Variants in ZNF184 observed in about 807,000 individuals in gnomAD.
ZNF184 encodes the protein zinc finger protein 184.
Under a neutral mutation model 54.4 loss-of-function variants are expected in ZNF184, and 16 were observed. The observed-to-expected ratio is 0.29, with a 90% CI of 0.20 to 0.45. ZNF184 has a LOEUF of 0.45. Among genes scored for constraint, ZNF184 ranks in the 20% least tolerant of loss-of-function variants. The pLI, the probability that ZNF184 is intolerant of heterozygous loss-of-function variation, is 1.00. For missense variants in ZNF184, 681 were observed against 888.2 expected, an observed-to-expected ratio of 0.77 and a Z score of 2.97; for synonymous variants, 254 against 295.3, an observed-to-expected ratio of 0.86 and a Z score of 1.43.
the ZNF184 span, chr6:27,404,834 T>C: frequency 6.6e-6 from 1 of 152,030 alleles, no homozygotes; most frequent in African/African-American, 2.4e-5. Context: ...CTGGCCAACA[T>C]GATGAAACCC....
the ZNF184 span, among the ~76,000 whole-genome samples, chr6:27,430,475 C>T: frequency 1.3e-5 from 2 of 152,048 alleles, no homozygotes; most frequent in Non-Finnish European, 2.9e-5. Flanking sequence ...AGCGTGGACT[C>T]TAAAAGCAAG....
At chr6:27,445,467 A>T in the ZNF184 span, among the ~76,000 whole-genome samples, 8 of 152,174 alleles carry the variant, frequency 5.3e-5, no homozygotes, top group Non-Finnish European at 1.2e-4. Flanking sequence ...GTTATTAGGG[A>T]TCTGCCCTCA....
Position 27,451,913 on chromosome 6 carries a change from T to C in ZNF184, c.1646A>G (p.Glu549Gly). ...FIRSSSLAKH[E>G]RIHTGEKPYQ... ...GGGTTTCTCTCCAGTATGAATTCTT[T>C]CATGCTTAGCAAGAGATGAACTCCG... is the stretch of plus-strand genomic sequence containing the variant. Residue 549 changes from glutamate (E) to glycine (G), a missense_variant, in exon 6 of 6, where the codon GAA (glutamate) becomes GGA (glycine). Glu to Gly is a moderately conservative substitution (Grantham distance 98). Coordinates refer to ENST00000683788, the MANE Select transcript of ZNF184 (RefSeq NM_001318891.2). 6.2e-7 allele frequency: 1 copy of C among 1,612,632 alleles called. No individual in the cohort carries two copies. Among genetic ancestry groups the C allele is most frequent in the Non-Finnish European group, 8.5e-7 (1 of 1,179,992 alleles).
At chr6:27,462,780 G>A (rs1319619691) in intron 3 of ZNF184, among the ~76,000 whole-genome samples, 6 of 150,854 alleles carry the variant, frequency 4.0e-5, no homozygotes, top group East Asian at 2.0e-4. Flanking sequence ...CAGGAGAACC[G>A]CTTGAACCCA....
intron 2 of ZNF184, among the ~76,000 whole-genome samples, chr6:27,469,606 A>C (rs1028458617): frequency 5.3e-5 from 8 of 151,858 alleles, no homozygotes; most frequent in Non-Finnish European, 4.4e-5. Flanking sequence ...ATGCCACTGC[A>C]CTCCAGCCTG....
the ZNF184 span, among the ~76,000 whole-genome samples, chr6:27,434,506 G>A: frequency 6.6e-6 from 1 of 151,954 alleles, no homozygotes; most frequent in Non-Finnish European, 1.5e-5. Context: ...GCCCATTTTC[G>A]AATTGGGTTT....
At chr6:27,413,870 C>T in the ZNF184 span, among the ~76,000 whole-genome samples, 1 of 152,196 alleles carries the variant, frequency 6.6e-6, no homozygotes, top group Non-Finnish European at 1.5e-5. Flanking sequence ...TTCCATTTGA[C>T]TCTCACCTTT....
chr6:27,459,136 G>T (rs1762937051), intron 3 of ZNF184, among the ~76,000 whole-genome samples: 1 of 152,174 alleles, frequency 6.6e-6, no homozygotes, highest in Admixed American at 6.5e-5. Context: ...GTTACAGGTA[G>T]ATGGAAGGAA....
intron 3 of ZNF184, among the ~76,000 whole-genome samples, chr6:27,460,851 G>A (rs1021359154): frequency 5.3e-5 from 8 of 152,294 alleles, no homozygotes; most frequent in Non-Finnish European, 1.2e-4. Flanking sequence ...AAGAATATAA[G>A]CAGCAGGTCT....
At chr6:27,430,832 C>T in the ZNF184 span, among the ~76,000 whole-genome samples, 1 of 152,214 alleles carries the variant, frequency 6.6e-6, no homozygotes, top group East Asian at 1.9e-4. Flanking sequence ...TCATGTTTTA[C>T]TACAATTGCT....
intron 4 of ZNF184, among the ~76,000 whole-genome samples, 169 bp downstream of exon 4, chr6:27,457,114 G>A (rs923564850): frequency 3.9e-5 from 6 of 152,034 alleles, no homozygotes; most frequent in African/African-American, 1.4e-4. Context: ...TCGGGGTTCA[G>A]GAAAATTATT....
At position 27,463,534 on chromosome 6, in the gene ZNF184, G is replaced by A. The variant is rs568340089; in HGVS notation, c.75+4319C>T. Among the ~76,000 whole-genome samples the A allele has an allele frequency of 7.2e-5, 11 of 152,106 alleles. No individual in the cohort carries two copies. In the South Asian group the frequency reaches 2.3e-3, roughly 32 times the overall value. ...TGTGATTGGAGTACTGGGGCAGGAGGCGAAAGATGAGAGGGGACCAGAAAT... is the reference window on the plus strand; with the variant it reads ...TGTGATTGGAGTACTGGGGCAGGAGACGAAAGATGAGAGGGGACCAGAAAT... On this transcript the variant is annotated intron_variant, in intron 3 of 5. Coordinates refer to ENST00000683788, the MANE Select transcript of ZNF184 (RefSeq NM_001318891.2).
At chr6:27,465,245 G>T (rs1053964250) in intron 3 of ZNF184, among the ~76,000 whole-genome samples, 1 of 151,110 alleles carries the variant, frequency 6.6e-6, no homozygotes, top group African/African-American at 2.4e-5. Flanking sequence ...AGCACTTCGG[G>T]AGGGCGAGGC....
chr6:27,422,607 GT>G, the ZNF184 span, among the ~76,000 whole-genome samples: 1 of 152,088 alleles, frequency 6.6e-6, no homozygotes, highest in Non-Finnish European at 1.5e-5. Flanking sequence ...AATACCAGCA[GT>G]TTTTGGATAT....
Position 27,452,551 on chromosome 6 carries a change from A to C in ZNF184, c.1008T>G (p.Cys336Trp). ...RIHTGEKPYTCNECGKAFSQR... is the reference protein window; with the variant it reads ...RIHTGEKPYTWNECGKAFSQR... ...GGCTAAAGGCTTTTCCACACTCATT[A>C]CAAGTGTATGGCTTCTCGCCAGTAT... Residue 336 changes from cysteine (C) to tryptophan (W), a missense_variant, in exon 6 of 6, where the codon TGT becomes TGG. By Grantham distance (215) the Cys-to-Trp change is radical (BLOSUM62 -2). Coordinates refer to ENST00000683788, the MANE Select transcript of ZNF184 (RefSeq NM_001318891.2). The surrounding 1 kb of genome is among the most constrained non-coding windows in gnomAD (Gnocchi z 5.5). 6.2e-7 allele frequency: 1 copy of C among 1,614,092 alleles called. No homozygotes were observed. The highest frequency in any genetic ancestry group is 8.5e-7 in the Non-Finnish European group (1 of 1,180,002).
At chr6:27,417,991 G>A in the ZNF184 span, among the ~76,000 whole-genome samples, 103,375 of 152,004 alleles carry the variant, frequency 0.68, 35,244 homozygotes, top group Middle Eastern at 0.79. Context: ...CCTCAGCCCC[G>A]TAGGTCCAGA....
the ZNF184 span, among the ~76,000 whole-genome samples, chr6:27,434,391 G>T: frequency 1.3e-5 from 2 of 152,044 alleles, no homozygotes; most frequent in African/African-American, 2.4e-5. Flanking sequence ...GTGGTACCTT[G>T]TTGTGGTTTT....
At chr6:27,427,257 G>A in the ZNF184 span, among the ~76,000 whole-genome samples, 1 of 152,148 alleles carries the variant, frequency 6.6e-6, no homozygotes, top group African/African-American at 2.4e-5. Flanking sequence ...CGGGGTAGGA[G>A]TGACAAATTT....
In ZNF184 at chr6:27,453,009, CA is replaced by C; in HGVS notation, c.549del (p.Phe183LeufsTer7). 1 of 1,614,090 alleles carries C rather than the reference CA, an allele frequency of 6.2e-7. No individual in the cohort carries two copies. The highest frequency in any genetic ancestry group is 8.5e-7 in the Non-Finnish European group (1 of 1,179,998). On this transcript the variant is annotated frameshift_variant, in exon 6 of 6. Transcript: ENST00000683788. LOFTEE classifies it high-confidence loss of function. This position sits in a 1 kb window ranked among gnomAD's most constrained non-coding sequence, Gnocchi z 4.7. ...SWEKGPVNNE[F>X]GKSVNVSSNL... ...TTTGAACTCACATTGACACTTTTCC[CA>C]AATTCATTATTTACAGGGCCTTTTT...
Sources: gnomAD v4.1 joint callset for allele counts (sites outside exome capture counted in the v4.1 genomes callset) on GRCh38, gnomAD v4.1.1 for gene constraint, Gnocchi (gnomAD v3.1) non-coding constraint, MANE v1.5 for transcripts, NCBI Gene and HGNC (gene_info 2026-07-23, HGNC 2026-07-21) for gene names.